The following PTPRE variants were observed in gnomAD, a reference collection of about 807,000 sequenced individuals.
PTPRE encodes protein tyrosine phosphatase receptor type E, also known as receptor-type tyrosine-protein phosphatase epsilon.
PTPRE carries 51 observed loss-of-function variants against 102.0 expected under a neutral mutation model. The ratio of observed to expected loss-of-function variants is 0.50; its 90% CI spans 0.40 to 0.63. The LOEUF is 0.63. PTPRE is among the 30% of genes least tolerant of loss of function. The pLI, the probability that PTPRE is intolerant of heterozygous loss-of-function variation, is 0.00. For missense variants in PTPRE, 752 were observed against 915.1 expected (o/e 0.82, Z 2.30); for synonymous variants, 345 against 348.2 (o/e 0.99, Z 0.10).
At chr10:127,913,432 T>G (rs529553747) in intron 1 of PTPRE, among the ~76,000 whole-genome samples, 5 of 152,364 alleles carry the variant, frequency 3.3e-5, no homozygotes, top group African/African-American at 1.2e-4. Context: ...ATCTTTCTTC[T>G]CAACTGAGAT....
chr10:127,994,279 T>G (rs1244655773), intron 2 of PTPRE, among the ~76,000 whole-genome samples: 1 of 152,204 alleles, frequency 6.6e-6, no homozygotes, highest in East Asian at 1.9e-4. Context: ...CAGAGCTCTC[T>G]TCTCTGATTC....
At chr10:128,003,609 T>C (rs1233255404) in intron 2 of PTPRE, among the ~76,000 whole-genome samples, 2 of 152,222 alleles carry the variant, frequency 1.3e-5, no homozygotes, top group Admixed American at 6.5e-5. Flanking sequence ...TTTTGCACCA[T>C]GCATTTGTGG....
chr10:127,980,787 A>T (rs951628219), intron 1 of PTPRE, among the ~76,000 whole-genome samples: 16 of 152,196 alleles, frequency 1.1e-4, no homozygotes, highest in African/African-American at 3.1e-4. Flanking sequence ...ACAACTTTTA[A>T]TTGTGTGCTG....
intron 1 of PTPRE, among the ~76,000 whole-genome samples, chr10:127,918,991 G>C (rs947085231): frequency 6.6e-6 from 1 of 152,178 alleles, no homozygotes; most frequent in Non-Finnish European, 1.5e-5. Context: ...GTGCATTTAT[G>C]GACAAGTCTA....
At chr10:127,917,424 G>A (rs1016587208) in intron 1 of PTPRE, among the ~76,000 whole-genome samples, 2 of 152,174 alleles carry the variant, frequency 1.3e-5, no homozygotes, top group African/African-American at 4.8e-5. Flanking sequence ...GCTCATGCCT[G>A]TAATCCCAAC....
chr10:127,975,814 G>A (rs557291091), intron 1 of PTPRE, among the ~76,000 whole-genome samples: 1 of 152,246 alleles, frequency 6.6e-6, no homozygotes, highest in Admixed American at 6.5e-5. Flanking sequence ...CAGGTAGAGG[G>A]GAGTAAAACA....
intron 20 of PTPRE, among the ~76,000 whole-genome samples, chr10:128,080,451 C>T (rs899568052): frequency 9.2e-5 from 14 of 152,188 alleles, no homozygotes; most frequent in East Asian, 1.9e-4. Context: ...CACAGCAAGG[C>T]GCAGCAGGAG....
chr10:127,944,083 A>G lies in PTPRE; in HGVS notation c.-31+36774A>G, dbSNP rs1329087757. The stretch of plus-strand genomic sequence containing the variant: ...TCCTGTCAGGGATGTGAGTCAGCCA[A>G]TGGCCAAGCTTTGACTTTCGGCCAG... On this transcript the variant is annotated intron_variant, in intron 1 of 20. Transcript: ENST00000254667. The surrounding 1 kb of genome is among the most constrained non-coding windows in gnomAD (Gnocchi z 4.2). Among the ~76,000 whole-genome samples the G allele has an allele frequency of 6.6e-6, 1 of 152,186 alleles. No individual in the cohort carries two copies. The highest frequency in any genetic ancestry group is 2.4e-5 in the African/African-American group (1 of 41,440).
chr10:127,963,173 A>G (rs747720481), intron 1 of PTPRE, among the ~76,000 whole-genome samples: 1 of 152,108 alleles, frequency 6.6e-6, no homozygotes, highest in Non-Finnish European at 1.5e-5. Flanking sequence ...CTCCCACCCA[A>G]GAGAGGGCTG....
At chr10:128,056,287 T>C in intron 7 of PTPRE, 74 bp downstream of exon 7, 1 of 1,221,484 alleles carries the variant, frequency 8.2e-7, no homozygotes. Flanking sequence ...CAGCTCCCCG[T>C]GACTGCAGGC....
At chr10:127,964,699 C>T (rs1850105057) in intron 1 of PTPRE, 1 of 188,166 alleles carries the variant, frequency 5.3e-6, no homozygotes, top group Non-Finnish European at 1.1e-5. Context: ...GGCAATTACT[C>T]TTTCTCGATG....
chr10:127,953,206 C>T (rs1378990951), intron 1 of PTPRE, among the ~76,000 whole-genome samples: 1 of 152,226 alleles, frequency 6.6e-6, no homozygotes, highest in African/African-American at 2.4e-5. Context: ...GCAAGCTGCT[C>T]TGCCCCTTGG....
intron 2 of PTPRE, among the ~76,000 whole-genome samples, chr10:128,003,866 G>C (rs1589973653): frequency 6.6e-6 from 1 of 151,870 alleles, no homozygotes; most frequent in Admixed American, 6.6e-5. Flanking sequence ...GCCTTTGCAG[G>C]GGCCTCATGG....
chr10:128,052,744 A>C (rs115599458), intron 6 of PTPRE, among the ~76,000 whole-genome samples: 1,566 of 152,268 alleles, frequency 0.01, 13 homozygotes, highest in African/African-American at 0.036. Flanking sequence ...TAGGACTAAC[A>C]CACTGATACG....
rs141042153 is a variant in PTPRE, at chr10:128,045,249, C to T, written c.110-2141C>T. On this transcript the variant is annotated intron_variant, in intron 3 of 20. Coordinates refer to ENST00000254667, the MANE Select transcript of PTPRE (RefSeq NM_006504.6). The stretch of plus-strand genomic sequence containing the variant: ...TTTCTGGGCTTGGGTGGTTCAGCCC[C>T]GTCTTCTATGGAAGTACCCATGTCT... Among the ~76,000 whole-genome samples, 634 of 152,358 alleles carry T rather than the reference C, an allele frequency of 4.2e-3. 4 individuals carry two copies. The highest frequency in any genetic ancestry group is 7.1e-3 in the Non-Finnish European group (484 of 68,040).
chr10:128,082,194 T>TCC, intron 20 of PTPRE, among the ~76,000 whole-genome samples: 1 of 47,100 alleles, frequency 2.1e-5, no homozygotes, highest in East Asian at 7.1e-4. Context: ...TTTTTCTCTT[T>TCC]CTTTTTTTTT....
At chr10:127,964,015 G>C (rs1358694231) in intron 1 of PTPRE, among the ~76,000 whole-genome samples, 1 of 152,136 alleles carries the variant, frequency 6.6e-6, no homozygotes, top group South Asian at 2.1e-4. Flanking sequence ...CTGGCCCCCA[G>C]GTTTTGAAAT....
At chr10:128,015,032 T>C (rs746361542) in intron 2 of PTPRE, among the ~76,000 whole-genome samples, 21 of 152,184 alleles carry the variant, frequency 1.4e-4, no homozygotes, top group Non-Finnish European at 2.5e-4. Context: ...ACTCCTCTGA[T>C]TCTAAATATT....
At chr10:128,041,138 A>C (rs1847657860) in intron 3 of PTPRE, 148 bp downstream of exon 3, 4 of 715,160 alleles carry the variant, frequency 5.6e-6, no homozygotes, top group Non-Finnish European at 9.5e-6. Context: ...GCCTCTAAAA[A>C]CAGGCAGGCT....
Sources: allele counts gnomAD v4.1 joint callset (sites outside exome capture counted in the v4.1 genomes callset), GRCh38; gene constraint gnomAD v4.1.1; non-coding constraint Gnocchi (gnomAD v3.1); transcripts MANE v1.5; gene names NCBI Gene and HGNC (gene_info 2026-07-23, HGNC 2026-07-21).